ACADVL: variants seen among roughly 807,000 people sequenced by gnomAD.
The protein encoded by ACADVL is very long-chain acyl-CoA dehydrogenase, mitochondrial.
Under a neutral mutation model 80.4 loss-of-function variants are expected in ACADVL, and 73 were observed. The observed-to-expected ratio is 0.91, with a 90% confidence interval of 0.75 to 1.10. The LOEUF (loss-of-function observed/expected upper bound fraction) is 1.10. ACADVL is among the 50% of genes least tolerant of loss of function. The pLI, the probability that ACADVL is intolerant of heterozygous loss-of-function variation, is 0.00. For synonymous variants in ACADVL, 392 were observed against 326.5 expected, an observed-to-expected ratio of 1.20 and a Z score of -2.16; for missense variants, 878 against 858.9, an observed-to-expected ratio of 1.02 and a Z score of -0.28.
rs11870841 is a variant in ACADVL, at chr17:7,222,617, G to T, written c.879-50G>T. On this transcript the variant is annotated intron_variant, in intron 9 of 19. Transcript: ENST00000356839. ...GAGCGAAGGAGCAGTTTTTCCCCCAGTGACAACCTGTTGAACACACCTCTG... is the reference window on the plus strand; with the variant it reads ...GAGCGAAGGAGCAGTTTTTCCCCCATTGACAACCTGTTGAACACACCTCTG... 3.8e-3 allele frequency: 5,920 copies of T among 1,544,896 alleles called. 191 individuals are homozygous for T. The African/African-American group carries it at 0.072, about 19-fold the overall frequency.
intron 10 of ACADVL, 98 bp from the exon 11 acceptor site, chr17:7,223,035 T>C: frequency 1.4e-6 from 2 of 1,463,910 alleles, no homozygotes; most frequent in South Asian, 2.3e-5. Flanking sequence ...ACTCTGGTTG[T>C]ATGCAAAACC....
rs767849841 is a variant in ACADVL at position 7,223,983 on chromosome 17, C to T, written c.1348C>T (p.Arg450Cys). ...CCTGTGCTAGGAACCTGGAGTAGAG[C>T]GTGTGCTCCGAGATCTTCGCATCTT... The part of the protein sequence containing the change: ...MGFMKEPGVE[R>C]VLRDLRIFRI... The change falls in exon 14 of 20, where the codon CGT becomes TGT. Residue 450 changes from arginine to cysteine, a missense_variant. Physicochemically the swap from Arg to Cys is radical, Grantham distance 180. Coordinates refer to ENST00000356839, the MANE Select transcript of ACADVL (RefSeq NM_000018.4). The T allele has an allele frequency of 6.2e-7, 1 of 1,613,586 alleles. No homozygotes were observed. Among genetic ancestry groups the T allele is most frequent in the Non-Finnish European group, 8.5e-7 (1 of 1,179,884 alleles).
chr17:7,219,684 C>T, upstream of ACADVL: 3 of 1,351,810 alleles, frequency 2.2e-6, no homozygotes, highest in South Asian at 1.5e-5. Context: ...GTGACTTAAG[C>T]CCCTTCCTCT....
Position 7,225,111 on chromosome 17 carries a change from G to A in ACADVL, c.*14G>A. 6.2e-7 allele frequency: 1 copy of A among 1,614,022 alleles called. No individual in the cohort carries two copies. Among genetic ancestry groups the A allele is most frequent in the Non-Finnish European group, 8.5e-7 (1 of 1,180,038 alleles). On this transcript the variant is annotated 3_prime_UTR_variant, in exon 20 of 20. Coordinates refer to ENST00000356839, the MANE Select transcript of ACADVL (RefSeq NM_000018.4). Reference sequence around the variant, plus strand: ...CTTGGCTTCTGAATACTCCCGGCCAGGGCCTGTCCCAGTTATGTGCCTTCC... The same window carrying A: ...CTTGGCTTCTGAATACTCCCGGCCAAGGCCTGTCCCAGTTATGTGCCTTCC...
chr17:7,220,506 A>C lies in ACADVL; in HGVS notation c.181A>C (p.Thr61Pro), dbSNP rs775398187. The C allele has an allele frequency of 2.5e-6, 4 of 1,614,100 alleles. No individual in the cohort carries two copies. The highest frequency in any genetic ancestry group is 3.4e-6 in the Non-Finnish European group (4 of 1,179,996). The change falls in exon 3 of 20, where the codon ACC becomes CCC. Residue 61 changes from threonine to proline, a missense_variant. By Grantham distance (38) the Thr-to-Pro change is conservative. Transcript: ENST00000356839. ...KSDSHPSDAL[T>P]RKKPAKAESK... Reference sequence around the variant, plus strand: ...AGATTCCCACCCCTCTGACGCTCTGACCAGGAAAAAACCGGCCAAGGCGGT... The same window carrying C: ...AGATTCCCACCCCTCTGACGCTCTGCCCAGGAAAAAACCGGCCAAGGCGGT...
chr17:7,221,738 T>C (rs1197379449), intron 7 of ACADVL, 56 bp downstream of exon 7: 5 of 1,611,750 alleles, frequency 3.1e-6, no homozygotes, highest in Non-Finnish European at 4.2e-6. Flanking sequence ...TTGGCACAGA[T>C]TAGGCCAGTT....
At chr17:7,222,610 T>TC (rs1567565145) in intron 9 of ACADVL, 57 bp from the exon 10 acceptor site, 14 of 1,520,104 alleles carry the variant, frequency 9.2e-6, no homozygotes, top group African/African-American at 1.4e-5. Context: ...GAGCAGTTTT[T>TC]CCCCCAGTGA....
chr17:7,220,895 C>G (rs1314148622), intron 5 of ACADVL, 29 bp from the exon 6 acceptor site: 1 of 1,614,056 alleles, frequency 6.2e-7, no homozygotes, highest in East Asian at 2.2e-5. Flanking sequence ...CAAAAGGAGC[C>G]TGGATGTGGG....
chr17:7,223,580 T>C, intron 11 of ACADVL, 64 bp from the exon 12 acceptor site: 1 of 1,569,300 alleles, frequency 6.4e-7, no homozygotes, highest in Middle Eastern at 1.7e-4. Flanking sequence ...ATCTGGGTGA[T>C]GAGGCCAAGT....
chr17:7,217,715 G>A (rs2070997044), upstream of ACADVL: 2 of 1,534,918 alleles, frequency 1.3e-6, no homozygotes, highest in Non-Finnish European at 1.7e-6. Flanking sequence ...TGTGCTGGCA[G>A]GAACCCGGAT....
upstream of ACADVL, chr17:7,217,590 G>GGAGCCGT (rs2070989208): frequency 1.4e-6 from 2 of 1,397,592 alleles, no homozygotes; most frequent in Admixed American, 5.1e-5. Context: ...AGCGGCCGAG[G>GGAGCCGT]GAGCCGTGGA....
chr17:7,219,488 G>C, upstream of ACADVL: 1 of 1,041,256 alleles, frequency 9.6e-7, no homozygotes, highest in Non-Finnish European at 1.2e-6. Flanking sequence ...ACCCTAGCTT[G>C]GGTGCCCCCC....
Position 7,219,999 on chromosome 17 carries a change from G to A in ACADVL, c.15G>A (p.Arg5=). The A allele has an allele frequency of 6.2e-7, 1 of 1,603,800 alleles. No homozygotes were observed. The highest frequency in any genetic ancestry group is 1.1e-5 in the South Asian group (1 of 90,122). The change falls in exon 1 of 20, where the codon CGG becomes CGA. Residue 5 remains arginine (R), a synonymous_variant. Transcript: ENST00000356839. MQAA[R]MAASLGRQLL... ...GAGATTCGGAGATGCAGGCGGCTCG[G>A]ATGGCCGCGAGCTTGGGGCGGCAGC...
rs1567564195 is a variant in ACADVL at position 7,222,061 on chromosome 17, T to A, written c.732T>A (p.Asn244Lys). The A allele has an allele frequency of 3.7e-6, 6 of 1,614,132 alleles. No homozygotes were observed. The highest frequency in any genetic ancestry group is 3.4e-6 in the Non-Finnish European group (4 of 1,180,006). ...CCTGTGGAAAATACTATACCCTCAA[T>A]GGAAGCAAGCTTTGGATCAGGCAAC... Reference protein sequence around the residue: ...PSPCGKYYTLNGSKLWISNGG... With the variant: ...PSPCGKYYTLKGSKLWISNGG... Residue 244 changes from asparagine (N) to lysine (K), a missense_variant, in exon 8 of 20, where the codon AAT becomes AAA. Physicochemically the swap from Asn to Lys is moderately conservative, Grantham distance 94. Coordinates refer to ENST00000356839, the MANE Select transcript of ACADVL (RefSeq NM_000018.4).
chr17:7,220,825 T>C lies in ACADVL; in HGVS notation c.337T>C (p.Phe113Leu). ...KELVEPVSRF[F>L]EEVNDPAKND... ...GCTGGTGGAGCCTGTGTCCCGTTTC[T>C]TCGAGGTAAGGAATGACTCGGGGCT... Residue 113 changes from phenylalanine to leucine, a missense_variant, in exon 5 of 20, where the codon TTC becomes CTC. Phe to Leu is a conservative substitution (Grantham distance 22, BLOSUM62 0). Transcript: ENST00000356839. 1 of 1,614,100 alleles carries C rather than the reference T, an allele frequency of 6.2e-7. No homozygotes were observed. The highest frequency in any genetic ancestry group is 1.1e-5 in the South Asian group (1 of 91,088).
At chr17:7,217,218 G>A (rs1263920402), upstream of ACADVL, 8 of 1,261,896 alleles carry the variant, frequency 6.3e-6, no homozygotes, top group South Asian at 7.0e-5. Context: ...TCCCCTCCGT[G>A]GGTTCTCACC....
chr17:7,218,595 A>C (rs772226018), upstream of ACADVL: 4 of 1,566,712 alleles, frequency 2.6e-6, no homozygotes, highest in Middle Eastern at 1.7e-4. Flanking sequence ...GGGGGTGCCC[A>C]CCGCAGCAGT....
chr17:7,223,718 A>G lies in ACADVL; in HGVS notation c.1257A>G (p.Lys419=), dbSNP rs2142984575. The G allele has an allele frequency of 6.2e-7, 1 of 1,614,014 alleles. No individual in the cohort carries two copies. The highest frequency in any genetic ancestry group is 8.5e-7 in the Non-Finnish European group (1 of 1,180,014). ...TDFQIEAAIS[K]IFGSEAAWKV... is the part of the protein sequence containing the mutation. ...TCCAGATAGAGGCCGCCATCAGCAA[A>G]ATCTTTGGCTCGGTGAGGTCCCAGG... The change falls in exon 12 of 20, where the codon AAA becomes AAG. Residue 419 remains lysine, a synonymous_variant. Transcript: ENST00000356839.
intron 2 of ACADVL, 56 bp from the exon 3 acceptor site, chr17:7,220,408 C>T (rs1242428396): frequency 2.5e-6 from 4 of 1,610,382 alleles, no homozygotes; most frequent in East Asian, 2.2e-5. Context: ...CGCCTGTTCT[C>T]CCCTTGACAC....
Sources: gnomAD v4.1 joint callset for allele counts on GRCh38, gnomAD v4.1.1 for gene constraint, MANE v1.5 for transcripts, NCBI Gene and HGNC (gene_info 2026-07-23, HGNC 2026-07-21) for gene names.